The following TRABD2B variants were observed in gnomAD, a reference collection of about 807,000 sequenced individuals.
The protein encoded by TRABD2B is TraB domain containing 2B, also known as metalloprotease TIKI2.
In TRABD2B, 14 loss-of-function variants were observed where a neutral mutation model predicts 40.1. The observed-to-expected ratio is 0.35, with a 90% CI of 0.23 to 0.55. TRABD2B has a LOEUF of 0.55. TRABD2B is among the 20% of genes least tolerant of loss of function. The pLI is 0.90. For synonymous variants in TRABD2B, 263 were observed against 277.0 expected (o/e 0.95, Z 0.50); for missense variants, 541 against 648.6 (o/e 0.83, Z 1.80).
At chr1:47,877,429 C>T (rs752263280) in intron 2 of TRABD2B, among the ~76,000 whole-genome samples, 8 of 152,154 alleles carry the variant, frequency 5.3e-5, no homozygotes, top group Non-Finnish European at 5.9e-5. Context: ...CAAATACATC[C>T]GTGTCCTCCC....
intron 2 of TRABD2B, chr1:47,819,036 T>A (rs1645072504): frequency 6.6e-6 from 1 of 152,278 alleles, no homozygotes; most frequent in Admixed American, 6.5e-5. Flanking sequence ...AGAGACATTA[T>A]TTTTAAAAAG....
rs568438836 is a variant in TRABD2B at position 47,938,299 on chromosome 1, A to T, written c.666+55735T>A. On this transcript the variant is annotated intron_variant, in intron 2 of 6. Transcript: ENST00000606738. ...GAGAGCAGAGAGGCCAAGCAAGAGT[A>T]AACTCAGGATTAAAGAGTCAAACCA... Among the ~76,000 whole-genome samples the T allele has an allele frequency of 2.0e-5, 3 of 152,380 alleles. No homozygotes were observed. In the East Asian group the frequency reaches 5.8e-4, roughly 29 times the overall value.
intron 2 of TRABD2B, among the ~76,000 whole-genome samples, chr1:47,989,717 T>C (rs1284477035): frequency 6.6e-6 from 1 of 151,862 alleles, no homozygotes; most frequent in Non-Finnish European, 1.5e-5. Context: ...CTCTCTCTTT[T>C]TCGGCAAGAA....
intron 2 of TRABD2B, among the ~76,000 whole-genome samples, chr1:47,983,194 G>A (rs11205432): frequency 0.35 from 53,949 of 152,026 alleles, 9,986 homozygotes; most frequent in African/African-American, 0.45. Flanking sequence ...CACGGATGGA[G>A]CTAGAAGCTA....
intron 2 of TRABD2B, among the ~76,000 whole-genome samples, chr1:47,963,350 C>G (rs1211924472): frequency 6.6e-6 from 1 of 152,172 alleles, no homozygotes; most frequent in African/African-American, 2.4e-5. Context: ...AGGTGGTGAA[C>G]AGAGAGACCA....
intron 2 of TRABD2B, among the ~76,000 whole-genome samples, chr1:47,917,132 G>A (rs538155397): frequency 1.3e-5 from 2 of 152,278 alleles, no homozygotes; most frequent in East Asian, 3.9e-4. Flanking sequence ...ACGCAAGGAC[G>A]GGCTCCAGGA....
chr1:47,954,022 T>C (rs1645383533), intron 2 of TRABD2B, among the ~76,000 whole-genome samples: 1 of 152,234 alleles, frequency 6.6e-6, no homozygotes, highest in Non-Finnish European at 1.5e-5. Flanking sequence ...CTGGCATTTC[T>C]TGAGGGCCTA....
chr1:47,781,527 A>G (rs940328640), intron 4 of TRABD2B, among the ~76,000 whole-genome samples: 2 of 152,160 alleles, frequency 1.3e-5, no homozygotes, highest in Admixed American at 6.5e-5. Flanking sequence ...CGGCGTTCCT[A>G]TCCATCCCCT....
At chr1:47,993,823 G>T (rs1268586882) in intron 2 of TRABD2B, among the ~76,000 whole-genome samples, 1 of 152,178 alleles carries the variant, frequency 6.6e-6, no homozygotes, top group Non-Finnish European at 1.5e-5. Flanking sequence ...CAAACACGCA[G>T]ACTCTTACCC....
chr1:47,963,683 A>T (rs1356114930), intron 2 of TRABD2B, among the ~76,000 whole-genome samples: 4 of 152,168 alleles, frequency 2.6e-5, no homozygotes, highest in African/African-American at 9.7e-5. Context: ...TCTGGCTAAA[A>T]TTTCCCAGTG....
chr1:47,994,424 G>T lies in TRABD2B; in HGVS notation c.276C>A (p.Tyr92Ter). 6.5e-7 allele frequency: 1 copy of T among 1,536,174 alleles called. No individual in the cohort carries two copies. Among genetic ancestry groups the T allele is most frequent in the Non-Finnish European group, 8.7e-7 (1 of 1,146,920 alleles). The part of the protein sequence containing the change: ...VYFELDLTDP[Y>*]TISALASCQL... ...GGCAGCTGGCCAGGGCCGAGATGGT[G>T]TAGGGGTCTGTAAGGTCCAGCTCAA... Residue 92 changes from tyrosine to a stop codon, truncating the protein, a stop_gained, in exon 2 of 7, where the codon TAC becomes TAA. Coordinates refer to ENST00000606738, the MANE Select transcript of TRABD2B (RefSeq NM_001194986.2). LOFTEE classifies it high-confidence loss of function. The surrounding 1 kb of genome is among the most constrained non-coding windows in gnomAD (Gnocchi z 6.7).
At chr1:47,886,258 C>T (rs907333236) in intron 2 of TRABD2B, among the ~76,000 whole-genome samples, 3 of 152,230 alleles carry the variant, frequency 2.0e-5, no homozygotes, top group African/African-American at 4.8e-5. Context: ...ATCTCCACTC[C>T]TCCAAGCTCT....
chr1:47,900,318 C>T (rs1049292863), intron 2 of TRABD2B, among the ~76,000 whole-genome samples: 2 of 152,150 alleles, frequency 1.3e-5, no homozygotes, highest in South Asian at 2.1e-4. Flanking sequence ...TGCTCTCACA[C>T]GACTTCAGGA....
intron 2 of TRABD2B, among the ~76,000 whole-genome samples, chr1:47,832,161 T>A (rs906932566): frequency 1.3e-5 from 2 of 151,958 alleles, no homozygotes; most frequent in African/African-American, 4.8e-5. Flanking sequence ...TGAAGCCCCA[T>A]CTCTACTAAA....
At position 47,799,828 on chromosome 1, in the gene TRABD2B, C is replaced by A. The variant is rs11211604; in HGVS notation, c.813+1645G>T. Among the ~76,000 whole-genome samples, 175 of 152,026 alleles carry A rather than the reference C, an allele frequency of 1.2e-3. 3 individuals carry two copies. In the East Asian group the frequency reaches 0.022, roughly 19 times the overall value. On this transcript the variant is annotated intron_variant, in intron 3 of 6. Transcript: ENST00000606738. The stretch of plus-strand genomic sequence containing the variant: ...CTTTCCTTCTCTCCCCAGTCCCAGG[C>A]CCTACCCACAAGCCCATCTAAATCA...
chr1:47,951,647 G>A (rs1264908171), intron 2 of TRABD2B, among the ~76,000 whole-genome samples: 1 of 152,156 alleles, frequency 6.6e-6, no homozygotes, highest in Non-Finnish European at 1.5e-5. Context: ...GAGAGGGTGG[G>A]GCAGCAGAGG....
In TRABD2B at chr1:47,966,902, C is replaced by CTCAAA. The variant is rs1479949769; in HGVS notation, c.666+27127_666+27131dup. Among the ~76,000 whole-genome samples the CTCAAA allele has an allele frequency of 9.1e-5, 3 of 32,892 alleles. No homozygotes were observed. The Admixed American group carries it at 1.1e-3, about 12-fold the overall frequency. The allele number at this position is 32,892 out of a possible 152,430, so 21.6% of individuals were successfully genotyped here. On this transcript the variant is annotated intron_variant, in intron 2 of 6. Coordinates refer to ENST00000606738, the MANE Select transcript of TRABD2B (RefSeq NM_001194986.2). The stretch of plus-strand genomic sequence containing the variant: ...ACTGGGTAACAGAGCAAGACTCTGT[C>CTCAAA]TCAAATAAAATAAAATAAAATAAAA...
chr1:47,833,900 A>C (rs1463180162), intron 2 of TRABD2B, among the ~76,000 whole-genome samples: 1 of 152,266 alleles, frequency 6.6e-6, no homozygotes, highest in Non-Finnish European at 1.5e-5. Flanking sequence ...AATTAACCAA[A>C]GGCTTGCGGG....
chr1:47,824,360 C>G (rs1359007064), intron 2 of TRABD2B, among the ~76,000 whole-genome samples: 3 of 152,168 alleles, frequency 2.0e-5, no homozygotes, highest in Non-Finnish European at 2.9e-5. Context: ...CCCTCAACAG[C>G]CTGCAAATTC....
Sources: allele counts gnomAD v4.1 joint callset (sites outside exome capture counted in the v4.1 genomes callset), GRCh38; gene constraint gnomAD v4.1.1; non-coding constraint Gnocchi (gnomAD v3.1); transcripts MANE v1.5; gene names NCBI Gene and HGNC (gene_info 2026-07-23, HGNC 2026-07-21).